The following PDPN variants were observed in gnomAD, a reference collection of about 807,000 sequenced individuals.
The protein encoded by PDPN is PA2.26 antigen.
In PDPN, 12 loss-of-function variants were observed where a neutral mutation model predicts 23.2. The ratio of observed to expected loss-of-function variants is 0.52; its 90% CI spans 0.33 to 0.84. PDPN has a LOEUF of 0.84. PDPN is among the 40% of genes least tolerant of loss of function. The pLI is 0.02. For synonymous variants in PDPN, 77 were observed against 76.7 expected (o/e 1.00, Z -0.02); for missense variants, 199 against 212.2 (o/e 0.94, Z 0.39).
chr1:13,615,924 T>A lies in PDPN; in HGVS notation c.*13T>A. 6.2e-7 allele frequency: 1 copy of A among 1,612,790 alleles called. No individual in the cohort carries two copies. The highest frequency in any genetic ancestry group is 8.5e-7 in the Non-Finnish European group (1 of 1,178,882). On this transcript the variant is annotated 3_prime_UTR_variant, in exon 6 of 6. Coordinates refer to ENST00000621990, the MANE Select transcript of PDPN (RefSeq NM_006474.5). Reference sequence around the variant, plus strand: ...TCACAGGCCCTAAAGAGCTGAAGGGTTACGCCCTGCTGCCAACGTGCTTAA... The same window carrying A: ...TCACAGGCCCTAAAGAGCTGAAGGGATACGCCCTGCTGCCAACGTGCTTAA...
chr1:13,591,113 T>C (rs536714222), intron 1 of PDPN, among the ~76,000 whole-genome samples: 1 of 152,156 alleles, frequency 6.6e-6, no homozygotes, highest in South Asian at 2.1e-4. Flanking sequence ...GGCTAATCTT[T>C]GTATTTTCAA....
chr1:13,617,713 A>G lies in PDPN; in HGVS notation c.*1802A>G, dbSNP rs1187401016. 2 of 137,240 alleles carry G rather than the reference A, an allele frequency of 1.5e-5. No homozygotes were observed. The highest frequency in any genetic ancestry group is 5.6e-5 in the African/African-American group (2 of 35,814). 8.5% of individuals were successfully genotyped at this position (137,240 alleles called of 1,614,324 possible). A position where few individuals can be genotyped will look rare whatever the true frequency, so the allele number is the denominator to read the frequency against. ...ACACCAGCTGATTGAGAGAAGGGGA[A>G]TGAGAAGAGCTGGATGAGTTTAAAT... On this transcript the variant is annotated 3_prime_UTR_variant, in exon 6 of 6. Transcript: ENST00000621990.
At chr1:13,588,334 A>G (rs1557534906) in intron 1 of PDPN, among the ~76,000 whole-genome samples, 1 of 152,146 alleles carries the variant, frequency 6.6e-6, no homozygotes, top group Non-Finnish European at 1.5e-5. Context: ...GGAAAGGGGC[A>G]TGCTAGAATA....
intron 1 of PDPN, among the ~76,000 whole-genome samples, chr1:13,586,249 A>G (rs368577938): frequency 1.4e-4 from 21 of 152,234 alleles, no homozygotes; most frequent in African/African-American, 4.8e-4. Flanking sequence ...TTTCCCCGAA[A>G]CGCTTGCCAG....
At chr1:13,613,869 GCTT>G in intron 4 of PDPN, 144 bp downstream of exon 4, 1 of 241,708 alleles carries the variant, frequency 4.1e-6, no homozygotes, top group South Asian at 7.6e-5. Flanking sequence ...CAGATTTCAA[GCTT>G]TTTTTTTTTT....
intron 1 of PDPN, among the ~76,000 whole-genome samples, chr1:13,590,826 T>C (rs1640322427): frequency 6.7e-6 from 1 of 149,664 alleles, no homozygotes; most frequent in Non-Finnish European, 1.5e-5. Flanking sequence ...CCATAGGAGA[T>C]TGAATCTAGT....
At chr1:13,602,074 C>G (rs998821447) in intron 1 of PDPN, among the ~76,000 whole-genome samples, 1 of 152,034 alleles carries the variant, frequency 6.6e-6, no homozygotes, top group Non-Finnish European at 1.5e-5. Flanking sequence ...CTTTGGGTGG[C>G]TCAGCACTTC....
rs866333841 is a variant in PDPN, at chr1:13,614,356, G to A, written c.427G>A (p.Gly143Ser). ...CATAGTTGGGGTCTTACTAGCCATC[G>A]GCTTCATTGGTGCAATCATCGTTGT... The part of the protein sequence containing the change: ...GIIVGVLLAI[G>S]FIGAIIVVVM... Residue 143 changes from glycine (G) to serine (S), a missense_variant, in exon 5 of 6, where the codon GGC (glycine) becomes AGC (serine). Transcript: ENST00000621990. 5.0e-6 allele frequency: 8 copies of A among 1,610,168 alleles called. No individual in the cohort carries two copies. The highest frequency in any genetic ancestry group is 2.2e-5 in the East Asian group (1 of 44,862).
intron 2 of PDPN, among the ~76,000 whole-genome samples, chr1:13,607,969 G>A (rs1570050173): frequency 2.0e-5 from 3 of 152,194 alleles, no homozygotes; most frequent in Admixed American, 2.0e-4. Context: ...GCTGGGCGTG[G>A]CTGTGTGCAC....
chr1:13,587,689 G>A (rs1296797786), intron 1 of PDPN, among the ~76,000 whole-genome samples: 2 of 152,206 alleles, frequency 1.3e-5, no homozygotes. Flanking sequence ...GACAGTTACT[G>A]TGATGAGTCT....
chr1:13,584,225 G>T (rs1478119382), intron 1 of PDPN, 125 bp downstream of exon 1: 2 of 1,521,366 alleles, frequency 1.3e-6, no homozygotes, highest in East Asian at 4.9e-5. Context: ...GAGGGTGTGT[G>T]CGTGTCAGGC....
At chr1:13,591,410 A>G (rs1007148087) in intron 1 of PDPN, among the ~76,000 whole-genome samples, 8 of 152,200 alleles carry the variant, frequency 5.3e-5, no homozygotes, top group Non-Finnish European at 1.2e-4. Flanking sequence ...AGTGGTCTTC[A>G]GTAAAATCAC....
intron 3 of PDPN, among the ~76,000 whole-genome samples, chr1:13,613,069 T>G (rs1356852029): frequency 6.6e-6 from 1 of 152,154 alleles, no homozygotes; most frequent in Non-Finnish European, 1.5e-5. Context: ...CTTGTAACTA[T>G]TAGACTGGGT....
chr1:13,585,403 C>G (rs1476389128), intron 1 of PDPN: 2 of 1,027,978 alleles, frequency 1.9e-6, no homozygotes, highest in Non-Finnish European at 2.5e-6. Context: ...GCAGTCCTAT[C>G]TTTGGAACTT....
intron 2 of PDPN, among the ~76,000 whole-genome samples, chr1:13,608,495 T>C (rs1435822134): frequency 6.6e-6 from 1 of 152,226 alleles, no homozygotes; most frequent in Non-Finnish European, 1.5e-5. Context: ...TGTTCCAACT[T>C]AGGCTTTGGT....
chr1:13,607,399 A>G (rs1640818918), intron 2 of PDPN, 93 bp downstream of exon 2: 2 of 904,374 alleles, frequency 2.2e-6, no homozygotes, highest in South Asian at 5.6e-5. Context: ...ATAAAAATAT[A>G]TCTATCTATA....
chr1:13,584,736 C>G (rs908737593), intron 1 of PDPN, among the ~76,000 whole-genome samples: 1 of 152,182 alleles, frequency 6.6e-6, no homozygotes, highest in African/African-American at 2.4e-5. Context: ...AGGATTGTTA[C>G]GCGTTACGAA....
chr1:13,607,386 T>G (rs1383331336), intron 2 of PDPN, 80 bp downstream of exon 2: 5 of 953,580 alleles, frequency 5.2e-6, no homozygotes, highest in South Asian at 2.5e-5. Context: ...TAATTTACTT[T>G]ATATAAAAAT....
chr1:13,586,286 T>A (rs572946994), intron 1 of PDPN, among the ~76,000 whole-genome samples: 11 of 152,060 alleles, frequency 7.2e-5, no homozygotes, highest in Non-Finnish European at 1.2e-4. Flanking sequence ...TCCTCATGAG[T>A]TGTTAAGAGT....
Sources: gnomAD v4.1 joint callset for allele counts (sites outside exome capture counted in the v4.1 genomes callset) on GRCh38, gnomAD v4.1.1 for gene constraint, MANE v1.5 for transcripts, NCBI Gene and HGNC (gene_info 2026-07-23, HGNC 2026-07-21) for gene names.